Variants in TMEM163 observed in about 807,000 individuals in gnomAD.
TMEM163 encodes the protein transmembrane protein 163.
Under a neutral mutation model 29.3 loss-of-function variants are expected in TMEM163, and 17 were observed. That is an observed-to-expected ratio of 0.58 (90% CI 0.40 to 0.87). The LOEUF is 0.87. TMEM163 is among the 40% of genes least tolerant of loss of function. TMEM163 has a pLI of 0.00. For synonymous variants in TMEM163, 157 were observed against 160.6 expected (o/e 0.98, Z 0.17); for missense variants, 303 against 381.5 (o/e 0.79, Z 1.71).
chr2:134,674,044 T>C (rs944198212), intron 2 of TMEM163, among the ~76,000 whole-genome samples: 6 of 152,226 alleles, frequency 3.9e-5, no homozygotes, highest in Non-Finnish European at 5.9e-5. Flanking sequence ...CCATATATTA[T>C]GGTGCATATG....
At chr2:134,649,365 A>G (rs763859408) in intron 2 of TMEM163, among the ~76,000 whole-genome samples, 89 of 152,330 alleles carry the variant, frequency 5.8e-4, no homozygotes, top group Non-Finnish European at 1.1e-3. Context: ...CCTATGACTG[A>G]TATCAGTGAC....
intron 2 of TMEM163, among the ~76,000 whole-genome samples, chr2:134,556,449 C>T (rs1371854747): frequency 2.6e-5 from 4 of 152,160 alleles, no homozygotes; most frequent in African/African-American, 7.2e-5. Flanking sequence ...ACTAAATATT[C>T]CATAGTAGGG....
chr2:134,552,656 CTTTTTT>C (rs35785546), intron 2 of TMEM163, among the ~76,000 whole-genome samples: 4 of 113,528 alleles, frequency 3.5e-5, no homozygotes, highest in African/African-American at 7.4e-5. Context: ...TATTTTGATC[CTTTTTT>C]TTTTTTTTTT....
At chr2:134,642,165 C>T (rs983819145) in intron 2 of TMEM163, among the ~76,000 whole-genome samples, 12 of 151,872 alleles carry the variant, frequency 7.9e-5, no homozygotes, top group African/African-American at 2.7e-4. Context: ...TGCTCTGTCG[C>T]CCAGGCTGGA....
chr2:134,478,773 G>A (rs1686977046), intron 5 of TMEM163, among the ~76,000 whole-genome samples: 1 of 152,194 alleles, frequency 6.6e-6, no homozygotes, highest in African/African-American at 2.4e-5. Flanking sequence ...GACTGAAAGG[G>A]AGCCAGGTGT....
intron 2 of TMEM163, among the ~76,000 whole-genome samples, chr2:134,623,052 A>G (rs1682776058): frequency 6.6e-6 from 1 of 152,166 alleles, no homozygotes. Flanking sequence ...TAAGCAAACA[A>G]TATTCTCTCA....
intron 2 of TMEM163, among the ~76,000 whole-genome samples, chr2:134,630,684 C>CT (rs1682947072): frequency 6.6e-6 from 1 of 152,172 alleles, no homozygotes. Flanking sequence ...GCCAGGTCCT[C>CT]TCCCCTGGGC....
chr2:134,581,841 T>A (rs1681700527), intron 2 of TMEM163, among the ~76,000 whole-genome samples: 1 of 152,202 alleles, frequency 6.6e-6, no homozygotes, highest in African/African-American at 2.4e-5. Flanking sequence ...AAAAGGCAAC[T>A]ACCCTTCCAT....
At chr2:134,498,495 A>AT (rs895488092) in intron 5 of TMEM163, among the ~76,000 whole-genome samples, 74 of 149,200 alleles carry the variant, frequency 5.0e-4, no homozygotes, top group Middle Eastern at 3.6e-3. Context: ...TAATTTATTT[A>AT]TTTTTTTTGT....
At chr2:134,596,088 T>C (rs1038756952) in intron 2 of TMEM163, among the ~76,000 whole-genome samples, 11 of 152,254 alleles carry the variant, frequency 7.2e-5, no homozygotes, top group Non-Finnish European at 1.6e-4. Flanking sequence ...TGGTAGTTTC[T>C]TTTGCTGCGC....
At chr2:134,593,392 T>C (rs980416027) in intron 2 of TMEM163, among the ~76,000 whole-genome samples, 9 of 144,084 alleles carry the variant, frequency 6.2e-5, no homozygotes, top group African/African-American at 2.4e-4. Flanking sequence ...CTGAGGAGAC[T>C]GCAGAAAAGA....
intron 2 of TMEM163, among the ~76,000 whole-genome samples, chr2:134,555,583 G>A (rs908341922): frequency 1.3e-5 from 2 of 152,218 alleles, no homozygotes; most frequent in Non-Finnish European, 2.9e-5. Flanking sequence ...GGCAGCCGTG[G>A]GGCGGAGCTC....
chr2:134,610,243 C>T (rs1281690616), intron 2 of TMEM163, among the ~76,000 whole-genome samples: 1 of 152,172 alleles, frequency 6.6e-6, no homozygotes, highest in Non-Finnish European at 1.5e-5. Context: ...ACAGAGGGGA[C>T]AGAACCTATG....
At position 134,659,549 on chromosome 2, in the gene TMEM163, C is replaced by T. The variant is rs960787490; in HGVS notation, c.322+53651G>A. On this transcript the variant is annotated intron_variant, in intron 2 of 7. Coordinates refer to ENST00000281924, the MANE Select transcript of TMEM163 (RefSeq NM_030923.5). The stretch of plus-strand genomic sequence containing the variant: ...TGGGATGTACCATCTCCTGCTGGCA[C>T]GTTAGCTTCCCCACTCCACACATAT... Among the ~76,000 whole-genome samples, 10 of 152,298 alleles carry T rather than the reference C, an allele frequency of 6.6e-5. No individual in the cohort carries two copies. In the East Asian group the frequency reaches 9.6e-4, roughly 15 times the overall value.
At chr2:134,687,832 T>C (rs2104880597) in intron 2 of TMEM163, among the ~76,000 whole-genome samples, 1 of 152,268 alleles carries the variant, frequency 6.6e-6, no homozygotes, top group East Asian at 1.9e-4. Context: ...CATAAAAGTA[T>C]CAAGACAATT....
intron 2 of TMEM163, among the ~76,000 whole-genome samples, chr2:134,562,189 G>A (rs1681198085): frequency 6.6e-6 from 1 of 152,084 alleles, no homozygotes; most frequent in African/African-American, 2.4e-5. Flanking sequence ...CCTGCCCCTA[G>A]CTGCCTTTCT....
intron 5 of TMEM163, among the ~76,000 whole-genome samples, chr2:134,473,545 A>AAAAG (rs1334821477): frequency 3.3e-5 from 5 of 151,968 alleles, no homozygotes; most frequent in African/African-American, 1.2e-4. Context: ...CAAAAAAAAA[A>AAAAG]AAAAGAAAAA....
intron 2 of TMEM163, among the ~76,000 whole-genome samples, chr2:134,576,374 C>A (rs1230750668): frequency 6.6e-6 from 1 of 152,160 alleles, no homozygotes; most frequent in African/African-American, 2.4e-5. Flanking sequence ...CTGGTATGGC[C>A]ACACCTGGGG....
intron 4 of TMEM163, among the ~76,000 whole-genome samples, chr2:134,539,149 G>A (rs1338952017): frequency 2.0e-5 from 3 of 152,098 alleles, no homozygotes; most frequent in Non-Finnish European, 4.4e-5. Flanking sequence ...CTTACAAAGT[G>A]GGTAGGAACG....
Sources: gnomAD v4.1 joint callset for allele counts (sites outside exome capture counted in the v4.1 genomes callset) on GRCh38, gnomAD v4.1.1 for gene constraint, MANE v1.5 for transcripts, NCBI Gene and HGNC (gene_info 2026-07-23, HGNC 2026-07-21) for gene names.